Variants in BMP2 observed in about 807,000 individuals in gnomAD.
The protein encoded by BMP2 is bone morphogenetic protein 2A.
BMP2 carries 2 observed loss-of-function variants against 28.8 expected under a neutral mutation model. That is an observed-to-expected ratio of 0.07 (90% CI 0.03 to 0.22). The LOEUF (loss-of-function observed/expected upper bound fraction) is 0.22. Among genes scored for constraint, BMP2 ranks in the 10% least tolerant of loss-of-function variants. The probability of loss-of-function intolerance (pLI) is 1.00; values close to 1 mark genes in which losing one functional copy is unlikely to be tolerated. For synonymous variants in BMP2, 218 were observed against 204.3 expected, an observed-to-expected ratio of 1.07 and a Z score of -0.57; for missense variants, 437 against 517.7, an observed-to-expected ratio of 0.84 and a Z score of 1.51.
At chr20:6,777,533 G>A (rs1159223361) in intron 2 of BMP2, among the ~76,000 whole-genome samples, 1 of 152,106 alleles carries the variant, frequency 6.6e-6, no homozygotes, top group Non-Finnish European at 1.5e-5. Flanking sequence ...TGAGAGAACA[G>A]ACAACAGTTG....
intron 1 of BMP2, among the ~76,000 whole-genome samples, chr20:6,769,460 C>T (rs1986339825): frequency 6.6e-6 from 1 of 152,090 alleles, no homozygotes; most frequent in Non-Finnish European, 1.5e-5. Flanking sequence ...TTTACGTAAT[C>T]CCGGGAAGAT....
chr20:6,774,848 G>A (rs1057491090), intron 2 of BMP2, among the ~76,000 whole-genome samples: 6 of 152,204 alleles, frequency 3.9e-5, no homozygotes, highest in Admixed American at 1.3e-4. Flanking sequence ...GTGGACCTAG[G>A]CTGACTGAGA....
chr20:6,771,075 C>G (rs1986389297), intron 2 of BMP2, among the ~76,000 whole-genome samples: 1 of 152,128 alleles, frequency 6.6e-6, no homozygotes, highest in Admixed American at 6.5e-5. Context: ...TCCACAATGA[C>G]TTTCTTGTCC....
rs2122389744 is a variant in BMP2 at position 6,778,146 on chromosome 20, T to A, written c.347-99T>A. 1 of 1,490,996 alleles carries A rather than the reference T, an allele frequency of 6.7e-7. No homozygotes were observed. The allele number at this position is 1,490,996 out of a possible 1,614,324, so 92.4% of individuals were successfully genotyped here. A position where few individuals can be genotyped will look rare whatever the true frequency, so the allele number is the denominator to read the frequency against. On this transcript the variant is annotated intron_variant, in intron 2 of 2. Coordinates refer to ENST00000378827, the MANE Select transcript of BMP2 (RefSeq NM_001200.4). The surrounding 1 kb of genome is among the most constrained non-coding windows in gnomAD (Gnocchi z 5.0). ...ACATGGGTTACATCAAATCCCACGA[T>A]GAGGTTTAAAAATTCTCATAGATAA...
rs1245863327 is a variant in BMP2, at chr20:6,768,592, T to TGA, written c.-290_-289insAG. The TGA allele has an allele frequency of 2.5e-6, 1 of 394,566 alleles. No homozygotes were observed. The highest frequency in any genetic ancestry group is 3.6e-5 in the East Asian group (1 of 27,738). The allele number at this position is 394,566 out of a possible 1,614,324, so 24.4% of individuals were successfully genotyped here. A position where few individuals can be genotyped will look rare whatever the true frequency, so the allele number is the denominator to read the frequency against. On this transcript the variant is annotated 5_prime_UTR_variant, in exon 1 of 3. Coordinates refer to ENST00000378827, the MANE Select transcript of BMP2 (RefSeq NM_001200.4). ...TCTTGAACTTGCAGGGAGAATAACTTGCGCACCCCACTTTGCGCCGGTGCC... is the reference window on the plus strand; with the variant it reads ...TCTTGAACTTGCAGGGAGAATAACTTGAGCGCACCCCACTTTGCGCCGGTGCC...
At chr20:6,769,292 G>A (rs1475677551) in intron 1 of BMP2, among the ~76,000 whole-genome samples, 1 of 152,142 alleles carries the variant, frequency 6.6e-6, no homozygotes, top group African/African-American at 2.4e-5. Context: ...GTTTCCGGGA[G>A]ACTTGGTTTC....
chr20:6,776,015 C>G (rs956497505), intron 2 of BMP2, among the ~76,000 whole-genome samples: 1 of 152,064 alleles, frequency 6.6e-6, no homozygotes, highest in Non-Finnish European at 1.5e-5. Flanking sequence ...AGGTGCTGGT[C>G]TGGCTTTGGT....
intron 2 of BMP2, among the ~76,000 whole-genome samples, chr20:6,774,507 C>A (rs906568617): frequency 2.6e-5 from 4 of 152,158 alleles, no homozygotes. Flanking sequence ...GCCTGGGCAA[C>A]AGAGTGAGAC....
chr20:6,768,047 G>T lies in BMP2; in HGVS notation c.-836G>T. 2.5e-6 allele frequency: 1 copy of T among 398,248 alleles called. No individual in the cohort carries two copies. The highest frequency in any genetic ancestry group is 4.4e-6 in the Non-Finnish European group (1 of 225,882). The allele number at this position is 398,248 out of a possible 1,614,324, so 24.7% of individuals were successfully genotyped here. A position where few individuals can be genotyped will look rare whatever the true frequency, so the allele number is the denominator to read the frequency against. On this transcript the variant is annotated 5_prime_UTR_variant, in exon 1 of 3. Transcript: ENST00000378827. ...GCGATGCGGAGCACCTACTGCAGGA[G>T]ATCGGGGGCCTGGGACGCGCTGGCC...
intron 2 of BMP2, among the ~76,000 whole-genome samples, chr20:6,776,861 A>G (rs139704102): frequency 1.1e-4 from 17 of 151,998 alleles, no homozygotes; most frequent in Non-Finnish European, 2.1e-4. Context: ...ATCTAGATTC[A>G]GTGCACAACT....
In BMP2 at chr20:6,768,746, G is replaced by A. The variant is rs2122372340; in HGVS notation, c.-137G>A. On this transcript the variant is annotated 5_prime_UTR_variant, in exon 1 of 3. Transcript: ENST00000378827. Reference sequence around the variant, plus strand: ...CTGCGCGGCCGGCACCCGGGAGAAGGAGGAGGCAAAGAAAAGGAACGGACA... The same window carrying A: ...CTGCGCGGCCGGCACCCGGGAGAAGAAGGAGGCAAAGAAAAGGAACGGACA... 1 of 398,332 alleles carries A rather than the reference G, an allele frequency of 2.5e-6. No homozygotes were observed. Among genetic ancestry groups the A allele is most frequent in the East Asian group, 3.6e-5 (1 of 28,048 alleles). The allele number at this position is 398,332 out of a possible 1,614,324, so 24.7% of individuals were successfully genotyped here.
Position 6,771,041 on chromosome 20 carries a change from A to C in BMP2, c.346+569A>C, listed in dbSNP as rs1012518248. 3.3e-5 allele frequency among the ~76,000 whole-genome samples: 5 copies of C among 151,438 alleles called. No individual in the cohort carries two copies. The East Asian group carries it at 9.6e-4, about 29-fold the overall frequency. On this transcript the variant is annotated intron_variant, in intron 2 of 2. Transcript: ENST00000378827. The stretch of plus-strand genomic sequence containing the variant: ...CCCAATCTAATCCCCGTGGGAGATC[A>C]ATACTACAATCAATCTTATTGTTTC...
At chr20:6,776,548 A>G (rs1225652034) in intron 2 of BMP2, among the ~76,000 whole-genome samples, 9 of 152,216 alleles carry the variant, frequency 5.9e-5, no homozygotes, top group African/African-American at 2.2e-4. Context: ...TGACACTCCA[A>G]GTGTGGTCTT....
intron 1 of BMP2, among the ~76,000 whole-genome samples, chr20:6,769,732 C>T (rs577719117): frequency 7.2e-5 from 11 of 151,970 alleles, no homozygotes; most frequent in African/African-American, 2.7e-4. Context: ...CAGCACTCCG[C>T]ATTTGGGTTT....
rs768217398 is a variant in BMP2 at position 6,770,294 on chromosome 20, G to T, written c.168G>T (p.Arg56=). Residue 56 remains arginine, a synonymous_variant, in exon 2 of 3, where the codon CGG becomes CGT. Coordinates refer to ENST00000378827, the MANE Select transcript of BMP2 (RefSeq NM_001200.4). The stretch of plus-strand genomic sequence containing the variant: ...AGGTCCTGAGCGAGTTCGAGTTGCG[G>T]CTGCTCAGCATGTTCGGCCTGAAAC... ...SDEVLSEFEL[R]LLSMFGLKQR... is the part of the protein sequence containing the mutation. The T allele has an allele frequency of 1.9e-6, 3 of 1,613,218 alleles. No individual in the cohort carries two copies. The African/African-American group carries it at 4.0e-5, about 22-fold the overall frequency.
rs13037675 is a variant in BMP2 at position 6,779,059 on chromosome 20, C to T, written c.1161C>T (p.Asp387=). The change falls in exon 3 of 3, where the codon GAC becomes GAT. Residue 387 remains aspartate (D), a synonymous_variant. Transcript: ENST00000378827. The part of the protein sequence containing the change: ...NEKVVLKNYQ[D]MVVEGCGCR ...AGGTTGTATTAAAGAACTATCAGGA[C>T]ATGGTTGTGGAGGGTTGTGGGTGTC... The T allele has an allele frequency of 0.067, 107,339 of 1,610,308 alleles. 4,191 individuals are homozygous for T. Among genetic ancestry groups the T allele is most frequent in the Admixed American group, 0.16 (9,476 of 59,894 alleles).
At chr20:6,770,608 C>T (rs1243139157) in intron 2 of BMP2, 136 bp downstream of exon 2, 2 of 863,368 alleles carry the variant, frequency 2.3e-6, no homozygotes, top group South Asian at 2.0e-5. Flanking sequence ...TCTGTACTAT[C>T]GTTTCTGAAT....
chr20:6,777,944 C>T (rs1376997424), intron 2 of BMP2, among the ~76,000 whole-genome samples: 1 of 151,478 alleles, frequency 6.6e-6, no homozygotes, highest in Non-Finnish European at 1.5e-5. Flanking sequence ...CCATTTCCCC[C>T]ATTATTATAG....
chr20:6,773,890 G>GT (rs1986448492), intron 2 of BMP2, among the ~76,000 whole-genome samples: 1 of 152,020 alleles, frequency 6.6e-6, no homozygotes, highest in Admixed American at 6.6e-5. Context: ...TGTTTTACTG[G>GT]AGATTTTTTA....
Sources: allele counts gnomAD v4.1 joint callset (sites outside exome capture counted in the v4.1 genomes callset), GRCh38; gene constraint gnomAD v4.1.1; non-coding constraint Gnocchi (gnomAD v3.1); transcripts MANE v1.5; gene names NCBI Gene and HGNC (gene_info 2026-07-23, HGNC 2026-07-21).